G3BP2: variants seen among roughly 807,000 people sequenced by gnomAD.
The protein encoded by G3BP2 is G3BP stress granule assembly factor 2, also known as ras GTPase-activating protein-binding protein 2.
In G3BP2, 11 loss-of-function variants were observed where a neutral mutation model predicts 56.7. The ratio of observed to expected loss-of-function variants is 0.19; its 90% CI spans 0.12 to 0.32. The LOEUF (loss-of-function observed/expected upper bound fraction) is 0.32, where lower values mean the gene tolerates loss of function less well. Among genes scored for constraint, G3BP2 ranks in the 10% least tolerant of loss-of-function variants. The pLI is 1.00. For missense variants in G3BP2, 340 were observed against 610.9 expected (o/e 0.56, Z 4.67); for synonymous variants, 165 against 191.6 (o/e 0.86, Z 1.15).
At chr4:75,664,730 C>T (rs964953412) in intron 1 of G3BP2, among the ~76,000 whole-genome samples, 1 of 152,024 alleles carries the variant, frequency 6.6e-6, no homozygotes, top group East Asian at 1.9e-4. Context: ...CACCTGTAAT[C>T]TCAGCTACTC....
chr4:75,686,648 G>A (rs1387305457), intron 3 of G3BP2, among the ~76,000 whole-genome samples: 2 of 152,074 alleles, frequency 1.3e-5, no homozygotes, highest in Non-Finnish European at 2.9e-5. Flanking sequence ...ACAAGATCAA[G>A]TCTAAAGTAG....
At chr4:75,675,824 G>C (rs1733856059), upstream of G3BP2, among the ~76,000 whole-genome samples, 1 of 152,204 alleles carries the variant, frequency 6.6e-6, no homozygotes, top group Non-Finnish European at 1.5e-5. Context: ...ATCTAGGGCA[G>C]AGGTGGGCAA....
intron 3 of G3BP2, among the ~76,000 whole-genome samples, chr4:75,717,302 T>C (rs557477547): frequency 3.9e-4 from 60 of 152,212 alleles, no homozygotes; most frequent in African/African-American, 1.4e-3. Context: ...TAGCTGGGTG[T>C]GGTAGTGCAC....
rs67468716 is a variant in G3BP2, at chr4:75,720,022, C to CTTTTTT, written c.-25+849_-25+854dup. ...GAGCAGGATGGGGGGGCCCAGAACC[C>CTTTTTT]TTTTTTTTTTTTGAGAAAGGGTCTC... On this transcript the variant is annotated intron_variant, in intron 3 of 3. Transcript: ENST00000499709. Among the ~76,000 whole-genome samples the CTTTTTT allele has an allele frequency of 5.1e-5, 5 of 97,318 alleles. 1 individual carries two copies. The highest frequency in any genetic ancestry group is 8.3e-5 in the African/African-American group (2 of 24,202). The allele number at this position is 97,318 out of a possible 152,430, so 63.8% of individuals were successfully genotyped here.
chr4:75,659,018 C>T (rs957149199), intron 2 of G3BP2, 94 bp from the exon 3 acceptor site: 3 of 921,648 alleles, frequency 3.3e-6, no homozygotes, highest in Admixed American at 1.8e-5. Context: ...GGATCCCGCT[C>T]TGTCACTAAT....
chr4:75,645,827 G>C, intron 11 of G3BP2, 125 bp from the exon 12 acceptor site: 2 of 804,102 alleles, frequency 2.5e-6, no homozygotes, highest in African/African-American at 1.7e-5. Flanking sequence ...CCACCCCCCA[G>C]AGATAGGGTC....
intron 1 of G3BP2, among the ~76,000 whole-genome samples, chr4:75,723,028 C>T (rs1347195764): frequency 6.6e-6 from 1 of 152,154 alleles, no homozygotes; most frequent in Non-Finnish European, 1.5e-5. Flanking sequence ...TATACAGTAT[C>T]AATAACTGCA....
In G3BP2 at chr4:75,655,095, G is replaced by T. The variant is rs1479831764; in HGVS notation, c.697C>A (p.Pro233Thr). ...EKSTTPPPAE[P>T]VSLPQEPPKA... is the part of the protein sequence containing the mutation. ...GGTGGTTCTTGTGGCAGAGAAACAG[G>T]TTCTGCCGGAGGAGGAGTAGTAGAT... Residue 233 changes from proline to threonine, a missense_variant, in exon 7 of 12, where the codon CCT (proline) becomes ACT (threonine). Around this residue, in one of 4 missense-constraint regions of G3BP2, gnomAD observed 224 missense variants for 332.5 expected, o/e 0.67. Coordinates refer to ENST00000359707, the MANE Select transcript of G3BP2 (RefSeq NM_203505.3). The T allele has an allele frequency of 1.2e-6, 2 of 1,612,874 alleles. No individual in the cohort carries two copies. The highest frequency in any genetic ancestry group is 1.7e-5 in the Admixed American group (1 of 59,806).
chr4:75,688,216 C>A (rs1578430295), intron 3 of G3BP2, among the ~76,000 whole-genome samples: 1 of 150,290 alleles, frequency 6.7e-6, no homozygotes, highest in Non-Finnish European at 1.5e-5. Flanking sequence ...AAATATTTTT[C>A]TTTCTTAGTA....
At chr4:75,690,159 C>T (rs1438632943) in intron 3 of G3BP2, among the ~76,000 whole-genome samples, 2 of 152,098 alleles carry the variant, frequency 1.3e-5, no homozygotes, top group African/African-American at 4.8e-5. Flanking sequence ...AGAGGACAGG[C>T]GCGGTGGCTC....
At chr4:75,686,508 C>T (rs1228737782) in intron 3 of G3BP2, among the ~76,000 whole-genome samples, 6 of 137,398 alleles carry the variant, frequency 4.4e-5, no homozygotes, top group Non-Finnish European at 7.5e-5. Context: ...GAAGGAAGTG[C>T]AGTGGTTGAC....
intron 8 of G3BP2, among the ~76,000 whole-genome samples, chr4:75,651,185 G>A (rs191343127): frequency 6.3e-4 from 96 of 152,214 alleles, no homozygotes; most frequent in African/African-American, 2.1e-3. Flanking sequence ...GAGAATAAAC[G>A]TACTCTGTCA....
rs544106571 is a variant in G3BP2, at chr4:75,710,247, G to A, written c.-25+10630C>T. ...CAAAGTGCTGGGATTACAGATGTGAGTACCACACCCAGCCTGCTTCTCGAG... is the reference window on the plus strand; with the variant it reads ...CAAAGTGCTGGGATTACAGATGTGAATACCACACCCAGCCTGCTTCTCGAG... On this transcript the variant is annotated intron_variant, in intron 3 of 3. Transcript: ENST00000499709. 4.6e-5 allele frequency among the ~76,000 whole-genome samples: 7 copies of A among 152,088 alleles called. No individual in the cohort carries two copies. The East Asian group carries it at 1.4e-3, about 30-fold the overall frequency.
intron 1 of G3BP2, chr4:75,662,570 G>A (rs1245447457): frequency 6.6e-6 from 1 of 152,218 alleles, no homozygotes; most frequent in Non-Finnish European, 1.5e-5. Flanking sequence ...CAAAATTAAT[G>A]CCACTATTAA....
chr4:75,706,184 T>C (rs1719537406), intron 3 of G3BP2, among the ~76,000 whole-genome samples: 1 of 152,178 alleles, frequency 6.6e-6, no homozygotes, highest in Admixed American at 6.5e-5. Context: ...AAGATCCTAC[T>C]TACACTTGAA....
chr4:75,678,863 T>C (rs1469867487), intron 3 of G3BP2, among the ~76,000 whole-genome samples: 3 of 152,176 alleles, frequency 2.0e-5, no homozygotes, highest in African/African-American at 7.2e-5. Flanking sequence ...ATTTTAACAG[T>C]GTCTGGCACA....
intron 3 of G3BP2, among the ~76,000 whole-genome samples, chr4:75,708,061 G>T (rs57099382): frequency 0.15 from 23,009 of 152,100 alleles, 2,415 homozygotes; most frequent in African/African-American, 0.29. Context: ...TGCTGAAATG[G>T]TTGCCCTCTG....
chr4:75,671,716 A>G (rs957250567), intron 1 of G3BP2, among the ~76,000 whole-genome samples: 5 of 152,226 alleles, frequency 3.3e-5, no homozygotes, highest in Non-Finnish European at 7.4e-5. Flanking sequence ...AGATTAAATC[A>G]TAACATAAAG....
chr4:75,670,987 A>T (rs752905075), intron 1 of G3BP2, among the ~76,000 whole-genome samples: 1 of 152,240 alleles, frequency 6.6e-6, no homozygotes, highest in Non-Finnish European at 1.5e-5. Flanking sequence ...ATAATTTTCA[A>T]TATACCTATG....
Sources: gnomAD v4.1 joint callset for allele counts (sites outside exome capture counted in the v4.1 genomes callset) on GRCh38, gnomAD v4.1.1 for gene constraint, gnomAD v4.1.1 regional missense constraint, MANE v1.5 for transcripts, NCBI Gene and HGNC (gene_info 2026-07-23, HGNC 2026-07-21) for gene names.